POLR3F: variants seen among roughly 807,000 people sequenced by gnomAD.
The protein encoded by POLR3F is DNA-directed RNA polymerase III subunit RPC6.
Under a neutral mutation model 43.6 loss-of-function variants are expected in POLR3F, and 31 were observed. The ratio of observed to expected loss-of-function variants is 0.71; its 90% confidence interval spans 0.53 to 0.96. The LOEUF (loss-of-function observed/expected upper bound fraction) is 0.96, where lower values mean the gene tolerates loss of function less well. Ranked by LOEUF, POLR3F falls within the 40% of genes least tolerant of loss-of-function variation. The pLI is 0.00. For missense variants in POLR3F, 316 were observed against 391.7 expected (o/e 0.81, Z 1.63); for synonymous variants, 114 against 132.5 (o/e 0.86, Z 0.96).
chr20:18,471,456 G>C (rs779741153), intron 2 of POLR3F, among the ~76,000 whole-genome samples: 9 of 152,192 alleles, frequency 5.9e-5, no homozygotes, highest in Non-Finnish European at 1.2e-4. Context: ...GATGGGTATT[G>C]AAGTCACCTG....
rs765142791 is a variant in POLR3F, at chr20:18,472,920, G to GT, written c.248+18dup. The GT allele has an allele frequency of 5.5e-6, 7 of 1,263,702 alleles. No individual in the cohort carries two copies. The highest frequency in any genetic ancestry group is 2.0e-5 in the Admixed American group (1 of 50,748). 78.3% of individuals were successfully genotyped at this position (1,263,702 alleles called of 1,614,324 possible). On this transcript the variant is annotated intron_variant, in intron 3 of 8. Transcript: ENST00000377603. ...CTCTCAGAATGCTGGGTAAGTACTT[G>GT]TTTTTTTAATTTTAAGAAAATGTTT...
In POLR3F at chr20:18,483,841, G is replaced by A. The variant is rs1005354792; in HGVS notation, c.*283G>A. 3 of 393,726 alleles carry A rather than the reference G, an allele frequency of 7.6e-6. No individual in the cohort carries two copies. Among genetic ancestry groups the A allele is most frequent in the African/African-American group, 6.2e-5 (3 of 48,504 alleles). The allele number at this position is 393,726 out of a possible 1,614,324, so 24.4% of individuals were successfully genotyped here. ...GACCACATCTTTCAAGACTTCTGAT[G>A]GGTCAAGGAAAAAGATGCCAACATA... On this transcript the variant is annotated 3_prime_UTR_variant, in exon 9 of 9. Transcript: ENST00000377603.
At chr20:18,474,094 A>T (rs1353851659) in intron 4 of POLR3F, among the ~76,000 whole-genome samples, 2 of 152,040 alleles carry the variant, frequency 1.3e-5, no homozygotes, top group Non-Finnish European at 2.9e-5. Context: ...AAATAGTCCT[A>T]TGAGAAAGCC....
At chr20:18,480,273 T>C (rs1601260289) in intron 6 of POLR3F, 92 bp downstream of exon 6, 2 of 1,367,714 alleles carry the variant, frequency 1.5e-6, no homozygotes, top group East Asian at 2.3e-5. Context: ...TTTATAGGAA[T>C]TAAAAACCTG....
chr20:18,475,701 G>T (rs962445253), intron 5 of POLR3F, among the ~76,000 whole-genome samples: 1 of 152,134 alleles, frequency 6.6e-6, no homozygotes, highest in Non-Finnish European at 1.5e-5. Context: ...AGACATCAGA[G>T]GAACTGAGAT....
intron 8 of POLR3F, 115 bp from the exon 9 acceptor site, chr20:18,483,366 G>T (rs1369387427): frequency 5.0e-6 from 3 of 605,032 alleles, no homozygotes; most frequent in Non-Finnish European, 8.6e-6. Context: ...CTTAAGTACA[G>T]TCCTAGTCCC....
chr20:18,478,757 G>A (rs2059793661), intron 5 of POLR3F, among the ~76,000 whole-genome samples: 1 of 152,182 alleles, frequency 6.6e-6, no homozygotes, highest in Admixed American at 6.5e-5. Context: ...TGCCAACTGA[G>A]AAGGCCTAGA....
At chr20:18,479,573 G>T (rs1418750265) in intron 5 of POLR3F, among the ~76,000 whole-genome samples, 1 of 152,140 alleles carries the variant, frequency 6.6e-6, no homozygotes, top group African/African-American at 2.4e-5. Context: ...CAAGTGAAAA[G>T]CTTCCAATGC....
chr20:18,467,712 C>T, intron 1 of POLR3F, 144 bp downstream of exon 1: 2 of 1,481,828 alleles, frequency 1.3e-6, no homozygotes, highest in Non-Finnish European at 1.8e-6. Flanking sequence ...TCTGGACCCA[C>T]TTGTTCCTTC....
intron 3 of POLR3F, 118 bp downstream of exon 3, chr20:18,473,027 T>C: frequency 4.2e-6 from 2 of 480,368 alleles, no homozygotes; most frequent in Non-Finnish European, 7.5e-6. Context: ...CTGCCTCCTA[T>C]GATATATTCC....
intron 7 of POLR3F, 38 bp from the exon 8 acceptor site, chr20:18,481,581 A>G (rs1243963641): frequency 1.5e-6 from 2 of 1,372,592 alleles, no homozygotes; most frequent in Non-Finnish European, 2.1e-6. Context: ...ATGTCTCCCT[A>G]TCCTACTTGT....
chr20:18,482,438 T>G (rs989515575), intron 8 of POLR3F, among the ~76,000 whole-genome samples: 1 of 152,204 alleles, frequency 6.6e-6, no homozygotes, highest in Non-Finnish European at 1.5e-5. Context: ...GGGCCAGATA[T>G]GTCCTTGATG....
intron 1 of POLR3F, among the ~76,000 whole-genome samples, chr20:18,468,430 A>G (rs1274151257): frequency 6.6e-6 from 1 of 152,256 alleles, no homozygotes; most frequent in African/African-American, 2.4e-5. Flanking sequence ...TAGTTTTAAA[A>G]GACTCAACTT....
chr20:18,480,073 G>T lies in POLR3F; in HGVS notation c.465G>T (p.Leu155=), dbSNP rs1381398830. The change falls in exon 6 of 9, where the codon CTG becomes CTT. Residue 155 remains leucine, a synonymous_variant. Transcript: ENST00000377603. The part of the protein sequence containing the change: ...SKKKVYMLYN[L]QPDRSVTGGA... ...AGAAGGTGTATATGCTCTATAACCT[G>T]CAGCCAGACCGGTCTGTGACTGGTG... 2 of 1,612,296 alleles carry T rather than the reference G, an allele frequency of 1.2e-6. No individual in the cohort carries two copies. The highest frequency in any genetic ancestry group is 2.7e-5 in the African/African-American group (2 of 74,862).
At position 18,481,817 on chromosome 20, in the gene POLR3F, T is replaced by A. The variant is rs375305336; in HGVS notation, c.873+7T>A. 72 of 1,597,978 alleles carry A rather than the reference T, an allele frequency of 4.5e-5. No homozygotes were observed. The South Asian group carries it at 5.0e-4, about 11-fold the overall frequency. Reference sequence around the variant, plus strand: ...ACCCTGTGGACTCTGCCCGGTGAGTTAAAGTGGCTTCACTTTACACTTGAC... The same window carrying A: ...ACCCTGTGGACTCTGCCCGGTGAGTAAAAGTGGCTTCACTTTACACTTGAC... On this transcript the variant is annotated splice_region_variant and intron_variant, in intron 8 of 8. Transcript: ENST00000377603.
intron 2 of POLR3F, among the ~76,000 whole-genome samples, chr20:18,469,654 A>G (rs1601249378): frequency 6.6e-6 from 1 of 152,278 alleles, no homozygotes; most frequent in South Asian, 2.1e-4. Flanking sequence ...GGTTTGACTG[A>G]TAAGACTCTA....
rs148452872 is a variant in POLR3F at position 18,467,528 on chromosome 20, G to A, written c.22G>A (p.Val8Met). 7 of 1,614,286 alleles carry A rather than the reference G, an allele frequency of 4.3e-6. No homozygotes were observed. The highest frequency in any genetic ancestry group is 3.4e-6 in the Non-Finnish European group (4 of 1,180,048). MAEVKVK[V>M]QPPDADPVEI... is the part of the protein sequence containing the mutation. Reference sequence around the variant, plus strand: ...CCTCATGGCGGAGGTGAAGGTGAAGGTGCAGCCGCCTGACGCGGATCCGGT... The same window carrying A: ...CCTCATGGCGGAGGTGAAGGTGAAGATGCAGCCGCCTGACGCGGATCCGGT... Residue 8 changes from valine (V) to methionine (M), a missense_variant, in exon 1 of 9, where the codon GTG (valine) becomes ATG (methionine). Around this residue, in one of 3 missense-constraint regions of POLR3F, gnomAD observed 122 missense variants for 133.8 expected, o/e 0.91. Coordinates refer to ENST00000377603, the MANE Select transcript of POLR3F (RefSeq NM_006466.4).
At chr20:18,480,644 G>C in intron 7 of POLR3F, 135 bp downstream of exon 7, 1 of 644,722 alleles carries the variant, frequency 1.6e-6, no homozygotes. Flanking sequence ...ATCCACTTTG[G>C]GAAAATACTG....
intron 2 of POLR3F, among the ~76,000 whole-genome samples, chr20:18,472,375 G>A (rs1229125461): frequency 6.6e-6 from 1 of 152,038 alleles, no homozygotes; most frequent in Non-Finnish European, 1.5e-5. Context: ...GTAGAGACAG[G>A]TTTTCGCCAT....
Sources: allele counts gnomAD v4.1 joint callset (sites outside exome capture counted in the v4.1 genomes callset), GRCh38; gene constraint gnomAD v4.1.1; regional missense constraint gnomAD v4.1.1; transcripts MANE v1.5; gene names NCBI Gene and HGNC (gene_info 2026-07-23, HGNC 2026-07-21).